Variants in VWA3A observed in about 807,000 individuals in gnomAD.
VWA3A encodes von Willebrand factor A domain containing 3A.
In VWA3A, 134 loss-of-function variants were observed where a neutral mutation model predicts 160.4. The observed-to-expected ratio is 0.84, with a 90% CI of 0.73 to 0.96. The LOEUF (loss-of-function observed/expected upper bound fraction) is 0.96. VWA3A is among the 40% of genes least tolerant of loss of function. The pLI is 0.00. For synonymous variants in VWA3A, 476 were observed against 543.4 expected (o/e 0.88, Z 1.72); for missense variants, 1,310 against 1,447.9 (o/e 0.90, Z 1.55).
intron 17 of VWA3A, among the ~76,000 whole-genome samples, chr16:22,126,622 C>T (rs1426450704): frequency 6.6e-6 from 1 of 152,142 alleles, no homozygotes; most frequent in African/African-American, 2.4e-5. Flanking sequence ...AGGACCCCAG[C>T]CATGCCCTAG....
intron 1 of VWA3A, among the ~76,000 whole-genome samples, chr16:22,096,285 TA>T (rs1200293429): frequency 6.6e-6 from 1 of 152,172 alleles, no homozygotes; most frequent in Non-Finnish European, 1.5e-5. Flanking sequence ...GTTCAATAAG[TA>T]TTTACTGAAT....
chr16:22,154,721 G>A (rs566662679), intron 31 of VWA3A, among the ~76,000 whole-genome samples: 39 of 151,162 alleles, frequency 2.6e-4, no homozygotes, highest in African/African-American at 9.0e-4. Context: ...TTGGGACGCC[G>A]AGGCGGGTGG....
At chr16:22,150,601 A>T in intron 29 of VWA3A, 94 bp from the exon 30 acceptor site, 1 of 1,428,888 alleles carries the variant, frequency 7.0e-7, no homozygotes, top group South Asian at 1.4e-5. Flanking sequence ...GCATTTTGGC[A>T]GAGGCGGCAG....
chr16:22,139,652 G>C (rs933198641), intron 22 of VWA3A, among the ~76,000 whole-genome samples: 4 of 152,064 alleles, frequency 2.6e-5, no homozygotes, highest in Non-Finnish European at 4.4e-5. Context: ...TCGAGATCAC[G>C]CCGCTGCACT....
At chr16:22,137,485 G>A (rs2046066657) in intron 21 of VWA3A, among the ~76,000 whole-genome samples, 1 of 152,174 alleles carries the variant, frequency 6.6e-6, no homozygotes, top group African/African-American at 2.4e-5. Context: ...TGATAAGGTG[G>A]TCTTAGATGA....
Position 22,121,110 on chromosome 16 carries a change from C to T in VWA3A, c.1252+7C>T, listed in dbSNP as rs372278408. 7.3e-4 allele frequency: 1,176 copies of T among 1,613,708 alleles called. 1 individual carries two copies. The highest frequency in any genetic ancestry group is 9.4e-4 in the Non-Finnish European group (1,104 of 1,179,868). ...AAGGTCAATGGTCTGAAAGGTAAAT[C>T]TCCAAAGAGGGCAGAACCCAGGAAA... is the stretch of plus-strand genomic sequence containing the variant. On this transcript the variant is annotated splice_region_variant and intron_variant, in intron 13 of 33. Transcript: ENST00000389398.
In VWA3A at chr16:22,156,687, G is replaced by A. The variant is rs2046446789; in HGVS notation, c.*670G>A. On this transcript the variant is annotated 3_prime_UTR_variant, in exon 34 of 34. Coordinates refer to ENST00000389398, the MANE Select transcript of VWA3A (RefSeq NM_173615.5). ...GTGGTCTCCACCCTGGTTCATAAGA[G>A]GCTAATGCAGAGTCACAGTCAGCCC... 1 of 152,186 alleles carries A rather than the reference G, an allele frequency of 6.6e-6. No homozygotes were observed. The highest frequency in any genetic ancestry group is 1.5e-5 in the Non-Finnish European group (1 of 68,068). 9.4% of individuals were successfully genotyped at this position (152,186 alleles called of 1,614,324 possible). A position where few individuals can be genotyped will look rare whatever the true frequency, so the allele number is the denominator to read the frequency against.
In VWA3A at chr16:22,156,124, C is replaced by G. The variant is rs1156773748; in HGVS notation, c.*107C>G. On this transcript the variant is annotated 3_prime_UTR_variant, in exon 34 of 34. Coordinates refer to ENST00000389398, the MANE Select transcript of VWA3A (RefSeq NM_173615.5). The stretch of plus-strand genomic sequence containing the variant: ...GCTGTGACCTGCAGGAAACATGATT[C>G]CTGGTACCAGGACTCTCTGGAAGCT... 1.7e-6 allele frequency: 1 copy of G among 596,680 alleles called. No homozygotes were observed. The highest frequency in any genetic ancestry group is 1.9e-5 in the African/African-American group (1 of 53,648). The allele number at this position is 596,680 out of a possible 1,614,324, so 37.0% of individuals were successfully genotyped here.
Position 22,144,481 on chromosome 16 carries a change from T to G in VWA3A, c.2730+97T>G, listed in dbSNP as rs571944201. 4.2e-5 allele frequency: 63 copies of G among 1,484,818 alleles called. No homozygotes were observed. In the African/African-American group the frequency reaches 8.2e-4, roughly 19 times the overall value. The allele number at this position is 1,484,818 out of a possible 1,614,324, so 92.0% of individuals were successfully genotyped here. A position where few individuals can be genotyped will look rare whatever the true frequency, so the allele number is the denominator to read the frequency against. ...GGGCACTGTGGCCTCTATTTCTGCT[T>G]GTAGGAACTGCCCTCCTCCCCAAAG... On this transcript the variant is annotated intron_variant, in intron 26 of 33. Coordinates refer to ENST00000389398, the MANE Select transcript of VWA3A (RefSeq NM_173615.5).
intron 5 of VWA3A, among the ~76,000 whole-genome samples, chr16:22,101,497 G>C (rs542849013): frequency 6.6e-6 from 1 of 152,282 alleles, no homozygotes; most frequent in South Asian, 2.1e-4. Context: ...AGAAGAAAGA[G>C]GTTTAATGGA....
At position 22,140,229 on chromosome 16, in the gene VWA3A, G is replaced by C; in HGVS notation, c.2368G>C (p.Val790Leu). 1 of 1,613,658 alleles carries C rather than the reference G, an allele frequency of 6.2e-7. No homozygotes were observed. The highest frequency in any genetic ancestry group is 1.6e-4 in the Middle Eastern group (1 of 6,062). ...SLKWRPLSSR[V>L]GISPAAAQPT... ...GAAATGGCGTCCACTCAGTAGCAGAGTTGGCATCTCACCAGGTAAGGCACC... is the reference window on the plus strand; with the variant it reads ...GAAATGGCGTCCACTCAGTAGCAGACTTGGCATCTCACCAGGTAAGGCACC... Residue 790 changes from valine to leucine, a missense_variant, in exon 23 of 34, where the codon GTT becomes CTT. Val to Leu is a conservative substitution (Grantham distance 32, BLOSUM62 1). Transcript: ENST00000389398.
chr16:22,104,275 G>A (rs572333343), intron 6 of VWA3A, among the ~76,000 whole-genome samples: 1 of 152,230 alleles, frequency 6.6e-6, no homozygotes, highest in East Asian at 1.9e-4. Flanking sequence ...ATCACCTGAG[G>A]TTGGGAGTTC....
intron 6 of VWA3A, among the ~76,000 whole-genome samples, chr16:22,106,536 A>G (rs922465254): frequency 1.3e-5 from 2 of 152,128 alleles, no homozygotes; most frequent in African/African-American, 4.8e-5. Flanking sequence ...CAAGTCCAAA[A>G]GTCTTGAGGC....
chr16:22,144,508 G>A, intron 26 of VWA3A, 124 bp downstream of exon 26: 2 of 1,368,612 alleles, frequency 1.5e-6, no homozygotes, highest in Non-Finnish European at 2.0e-6. Context: ...TCCCCAAAGT[G>A]GGACTCCCCT....
chr16:22,150,654 G>A (rs1396176293), intron 29 of VWA3A, 41 bp from the exon 30 acceptor site: 2 of 1,569,996 alleles, frequency 1.3e-6, no homozygotes, highest in Non-Finnish European at 1.7e-6. Context: ...TTCTGGGTGA[G>A]CCTCTCCCCT....
rs900328333 is a variant in VWA3A, at chr16:22,098,911, CAAAAAAAAAAAAAA to C, written c.225+1230_225+1243del. On this transcript the variant is annotated intron_variant, in intron 3 of 33. Transcript: ENST00000389398. Reference sequence around the variant, plus strand: ...GCAACATGGTGAAACCCTGTTTCCACAAAAAAAAAAAAAAAAAAAAAAAAAAATACACAAATTAG... The same window carrying C: ...GCAACATGGTGAAACCCTGTTTCCACAAAAAAAAAAAAATACACAAATTAG... 4.4e-4 allele frequency among the ~76,000 whole-genome samples: 18 copies of C among 41,058 alleles called. No individual in the cohort carries two copies. In the South Asian group the frequency reaches 0.015, roughly 35 times the overall value. The allele number at this position is 41,058 out of a possible 152,430, so 26.9% of individuals were successfully genotyped here.
chr16:22,144,060 T>C (rs1339527330), intron 25 of VWA3A, among the ~76,000 whole-genome samples, 187 bp from the exon 26 acceptor site: 1 of 151,918 alleles, frequency 6.6e-6, no homozygotes, highest in Non-Finnish European at 1.5e-5. Flanking sequence ...CCCCCATATT[T>C]CTTGTGCATT....
chr16:22,107,279 G>T (rs1418176469), intron 6 of VWA3A, among the ~76,000 whole-genome samples: 1 of 152,184 alleles, frequency 6.6e-6, no homozygotes, highest in Non-Finnish European at 1.5e-5. Flanking sequence ...AAGGAGAGGG[G>T]TTGTTACCTA....
intron 27 of VWA3A, among the ~76,000 whole-genome samples, chr16:22,147,073 T>C (rs1309724872): frequency 1.3e-5 from 2 of 152,168 alleles, no homozygotes; most frequent in Non-Finnish European, 2.9e-5. Flanking sequence ...TCACCTAGTC[T>C]GGAGTCCAGT....
Sources: allele counts gnomAD v4.1 joint callset (sites outside exome capture counted in the v4.1 genomes callset), GRCh38; gene constraint gnomAD v4.1.1; transcripts MANE v1.5; gene names NCBI Gene and HGNC (gene_info 2026-07-23, HGNC 2026-07-21).